Variants in APAF1 observed in about 807,000 individuals in gnomAD.
APAF1 encodes the protein apoptotic protease-activating factor 1.
In APAF1, 91 loss-of-function variants were observed where a neutral mutation model predicts 152.4. The observed-to-expected ratio is 0.60, with a 90% confidence interval of 0.50 to 0.71. APAF1 has a LOEUF of 0.71. Among genes scored for constraint, APAF1 ranks in the 30% least tolerant of loss-of-function variants. APAF1 has a pLI of 0.00. For missense variants in APAF1, 1,283 were observed against 1,472.0 expected (o/e 0.87, Z 2.10); for synonymous variants, 484 against 494.1 (o/e 0.98, Z 0.27).
At position 98,725,544 on chromosome 12, in the gene APAF1, G is replaced by C; in HGVS notation, c.3456+4G>C. On this transcript the variant is annotated splice_donor_region_variant and intron_variant, in intron 25 of 26. Transcript: ENST00000551964. ...AGATGACAATGGAGAAATCAGGGTA[G>C]GCTGTTTGCTGACATGAGAGCACTG... 1 of 1,614,128 alleles carries C rather than the reference G, an allele frequency of 6.2e-7. No homozygotes were observed. Among genetic ancestry groups the C allele is most frequent in the Non-Finnish European group, 8.5e-7 (1 of 1,179,990 alleles).
chr12:98,667,098 G>GTATA (rs142822252), intron 9 of APAF1, among the ~76,000 whole-genome samples: 1 of 150,234 alleles, frequency 6.7e-6, no homozygotes. Flanking sequence ...GAGATTCTCT[G>GTATA]TATATATATA....
chr12:98,723,957 A>G (rs2097746774), intron 24 of APAF1, among the ~76,000 whole-genome samples, 193 bp downstream of exon 24: 1 of 152,182 alleles, frequency 6.6e-6, no homozygotes, highest in South Asian at 2.1e-4. Flanking sequence ...AGGACTTCTG[A>G]TTTCTCCCTT....
At chr12:98,709,223 T>C (rs996334149) in intron 20 of APAF1, among the ~76,000 whole-genome samples, 3 of 152,206 alleles carry the variant, frequency 2.0e-5, no homozygotes, top group African/African-American at 7.2e-5. Flanking sequence ...TGAATGCTTA[T>C]TTTGGTCCTT....
chr12:98,671,065 C>T lies in APAF1; in HGVS notation c.1587C>T (p.Tyr529=). ...ATCTGATTCATGAATTTGTGGAATA[C>T]AGACATATACTAGATGAAAAGGTAT... ...PAHLIHEFVE[Y]RHILDEKDCA... is the part of the protein sequence containing the mutation. The change falls in exon 11 of 27, where the codon TAC becomes TAT. Residue 529 remains tyrosine (Y), a synonymous_variant. Coordinates refer to ENST00000551964, the MANE Select transcript of APAF1 (RefSeq NM_181861.2). The T allele has an allele frequency of 6.2e-7, 1 of 1,602,350 alleles. No homozygotes were observed. The highest frequency in any genetic ancestry group is 8.5e-7 in the Non-Finnish European group (1 of 1,170,430).
chr12:98,692,790 G>A (rs551014146), intron 16 of APAF1, among the ~76,000 whole-genome samples: 8 of 152,116 alleles, frequency 5.3e-5, no homozygotes, highest in African/African-American at 1.9e-4. Flanking sequence ...TTAACCTTCC[G>A]TTGATGGGCA....
chr12:98,650,745 T>C (rs1164593333), intron 4 of APAF1, among the ~76,000 whole-genome samples: 2 of 152,126 alleles, frequency 1.3e-5, no homozygotes, highest in East Asian at 3.9e-4. Flanking sequence ...CAGAGAAGTT[T>C]CCTGAGACTT....
intron 4 of APAF1, among the ~76,000 whole-genome samples, chr12:98,653,852 C>T (rs2097653015): frequency 6.6e-6 from 1 of 150,728 alleles, no homozygotes; most frequent in African/African-American, 2.4e-5. Context: ...ACAGTAGTGA[C>T]ATTTTACATT....
chr12:98,650,801 T>A (rs762322831), intron 4 of APAF1, among the ~76,000 whole-genome samples: 19 of 152,220 alleles, frequency 1.2e-4, no homozygotes, highest in Non-Finnish European at 1.9e-4. Context: ...AAGCCCCTAC[T>A]GCAAAGTTGA....
intron 26 of APAF1, among the ~76,000 whole-genome samples, chr12:98,727,786 C>T (rs1270321059): frequency 6.6e-6 from 1 of 151,668 alleles, no homozygotes; most frequent in East Asian, 1.9e-4. Context: ...ACTAAAAATA[C>T]AAAAAATAGC....
At chr12:98,670,798 T>C (rs549973717) in intron 10 of APAF1, 175 bp from the exon 11 acceptor site, 1 of 501,878 alleles carries the variant, frequency 2.0e-6, no homozygotes, top group East Asian at 3.1e-5. Context: ...AGCTGAAGTA[T>C]GAGGCCCATT....
intron 22 of APAF1, among the ~76,000 whole-genome samples, chr12:98,721,097 T>A (rs2097742050): frequency 6.6e-6 from 1 of 152,196 alleles, no homozygotes; most frequent in African/African-American, 2.4e-5. Flanking sequence ...CAAACTCAAC[T>A]TTTGCATTTG....
intron 16 of APAF1, among the ~76,000 whole-genome samples, chr12:98,696,288 A>G (rs1277617458): frequency 6.6e-6 from 1 of 152,166 alleles, no homozygotes; most frequent in Non-Finnish European, 1.5e-5. Flanking sequence ...GGGCGTGTGC[A>G]AAGAGATCAT....
rs371145680 is a variant in APAF1 at position 98,732,159 on chromosome 12, C to T, written c.3601-261C>T. ...ACTCTATAGCTTCCTGTCTGCAGCT[C>T]TCAAGCAGGCTGCATGTTTCTCCAG... On this transcript the variant is annotated intron_variant, in intron 26 of 26. Coordinates refer to ENST00000551964, the MANE Select transcript of APAF1 (RefSeq NM_181861.2). Among the ~76,000 whole-genome samples, 8 of 152,248 alleles carry T rather than the reference C, an allele frequency of 5.3e-5. 1 individual carries two copies. The highest frequency in any genetic ancestry group is 1.9e-4 in the East Asian group (1 of 5,176).
chr12:98,660,453 G>A (rs1424902643), intron 5 of APAF1, among the ~76,000 whole-genome samples: 1 of 152,180 alleles, frequency 6.6e-6, no homozygotes, highest in African/African-American at 2.4e-5. Flanking sequence ...TACTTCAGGA[G>A]TGAGTTTGTT....
chr12:98,703,551 T>A, intron 18 of APAF1, 52 bp downstream of exon 18: 1 of 1,610,474 alleles, frequency 6.2e-7, no homozygotes, highest in Non-Finnish European at 8.5e-7. Context: ...GATCAAAGGA[T>A]GACAGAGAAT....
At chr12:98,683,350 A>G (rs2097694497) in intron 15 of APAF1, 76 bp downstream of exon 15, 1 of 1,415,928 alleles carries the variant, frequency 7.1e-7, no homozygotes, top group African/African-American at 1.4e-5. Context: ...TTTCTTATGT[A>G]TACTACTATT....
intron 16 of APAF1, among the ~76,000 whole-genome samples, chr12:98,692,493 A>G (rs1014476573): frequency 1.3e-5 from 2 of 152,172 alleles, no homozygotes; most frequent in East Asian, 3.9e-4. Context: ...AGGTTTGGGT[A>G]CAACTGGTCC....
At chr12:98,674,404 T>C (rs563859837) in intron 12 of APAF1, among the ~76,000 whole-genome samples, 12 of 152,212 alleles carry the variant, frequency 7.9e-5, no homozygotes, top group Admixed American at 2.0e-4. Flanking sequence ...CTTTCCAGAG[T>C]TGACCATTCC....
At position 98,688,839 on chromosome 12, in the gene APAF1, G is replaced by A. The variant is rs146382169; in HGVS notation, c.2304+1966G>A. ...TTCTTTCTTTCTTTTTTTTGAAACA[G>A]GGTCTTATTCTGTTGTCTAGGCTGG... On this transcript the variant is annotated intron_variant, in intron 16 of 26. Transcript: ENST00000551964. Among the ~76,000 whole-genome samples the A allele has an allele frequency of 2.7e-3, 402 of 150,412 alleles. 10 individuals carry two copies. The highest frequency in any genetic ancestry group is 0.02 in the Admixed American group (309 of 15,142).
Sources: allele counts gnomAD v4.1 joint callset (sites outside exome capture counted in the v4.1 genomes callset), GRCh38; gene constraint gnomAD v4.1.1; transcripts MANE v1.5; gene names NCBI Gene and HGNC (gene_info 2026-07-23, HGNC 2026-07-21).